The following KLF12 variants were observed in gnomAD, a reference collection of about 807,000 sequenced individuals.
KLF12 encodes the protein KLF transcription factor 12, also known as Krueppel-like factor 12.
KLF12 carries 9 observed loss-of-function variants against 37.8 expected under a neutral mutation model. That is an observed-to-expected ratio of 0.24 (90% CI 0.14 to 0.42). The LOEUF is 0.42. KLF12 is among the 10% of genes least tolerant of loss of function. The pLI is 1.00. For synonymous variants in KLF12, 208 were observed against 202.1 expected (o/e 1.03, Z -0.25); for missense variants, 411 against 516.0 (o/e 0.80, Z 1.97).
rs115601421 is a variant in KLF12 at position 73,915,398 on chromosome 13, G to T, written c.123+28583C>A. On this transcript the variant is annotated intron_variant, in intron 3 of 7. Transcript: ENST00000377669. ...TTCAGCCTCCCACAGCCTCATTTCC[G>T]TAGAAGTGTTGCCTTTCCAAGATTG... is the stretch of plus-strand genomic sequence containing the variant. 3.9e-5 allele frequency among the ~76,000 whole-genome samples: 6 copies of T among 152,102 alleles called. 1 individual carries two copies. Among genetic ancestry groups the T allele is most frequent in the African/African-American group, 7.2e-5 (3 of 41,430 alleles).
rs369410018 is a variant in KLF12 at position 73,718,371 on chromosome 13, A to G, written c.870-2846T>C. ...ACAAAAACAAAGGCTACAGAAGGCC[A>G]TGAAATTGCTTCACTGTGAGTTCTG... On this transcript the variant is annotated intron_variant, in intron 6 of 7. Transcript: ENST00000377669. Among the ~76,000 whole-genome samples, 42 of 152,372 alleles carry G rather than the reference A, an allele frequency of 2.8e-4. 6 individuals carry two copies. The highest frequency in any genetic ancestry group is 1.7e-3 in the Admixed American group (26 of 15,300).
the KLF12 span, among the ~76,000 whole-genome samples, chr13:74,198,450 C>T: frequency 9.9e-5 from 15 of 152,118 alleles, no homozygotes; most frequent in African/African-American, 2.2e-4. Flanking sequence ...CTGCTCTAAG[C>T]GTGGTCCTGA....
At chr13:73,706,013 G>C (rs888655924) in intron 7 of KLF12, among the ~76,000 whole-genome samples, 1 of 152,110 alleles carries the variant, frequency 6.6e-6, no homozygotes. Context: ...TTAGCTGGGC[G>C]TGGTGGCACA....
chr13:73,717,434 G>A (rs903989533), intron 6 of KLF12, among the ~76,000 whole-genome samples: 5 of 152,282 alleles, frequency 3.3e-5, no homozygotes, highest in East Asian at 1.9e-4. Flanking sequence ...CCCAAGTGAC[G>A]GACATATAGA....
the KLF12 span, among the ~76,000 whole-genome samples, chr13:74,287,138 C>G: frequency 6.6e-6 from 1 of 152,126 alleles, no homozygotes; most frequent in African/African-American, 2.4e-5. Context: ...GCAGGCTTTC[C>G]ATCAGCCTAC....
intron 3 of KLF12, among the ~76,000 whole-genome samples, chr13:73,926,412 T>C (rs1192770741): frequency 6.6e-6 from 1 of 152,180 alleles, no homozygotes; most frequent in Non-Finnish European, 1.5e-5. Flanking sequence ...AATTAAGGTA[T>C]ATACATTGTT....
chr13:74,247,843 T>G, the KLF12 span, among the ~76,000 whole-genome samples: 4 of 152,042 alleles, frequency 2.6e-5, no homozygotes, highest in Admixed American at 6.5e-5. Flanking sequence ...ATTGAATGAA[T>G]TAATGTTAAA....
chr13:74,069,940 A>C (rs922624846), intron 1 of KLF12, among the ~76,000 whole-genome samples: 9 of 152,210 alleles, frequency 5.9e-5, no homozygotes, highest in African/African-American at 2.2e-4. Context: ...ATGAGTTTGA[A>C]ATGCTATATA....
At chr13:74,054,542 A>C (rs1288756010) in intron 1 of KLF12, among the ~76,000 whole-genome samples, 3 of 151,880 alleles carry the variant, frequency 2.0e-5, no homozygotes, top group Non-Finnish European at 2.9e-5. Context: ...GAGAACTTCA[A>C]GATTATCAAG....
intron 5 of KLF12, among the ~76,000 whole-genome samples, chr13:73,797,212 C>T (rs935122672): frequency 6.6e-6 from 1 of 152,190 alleles, no homozygotes; most frequent in Non-Finnish European, 1.5e-5. Flanking sequence ...GACTTCCTGT[C>T]TATATTTCCC....
the KLF12 span, among the ~76,000 whole-genome samples, chr13:74,273,520 T>C: frequency 2.0e-5 from 3 of 152,216 alleles, no homozygotes; most frequent in East Asian, 5.8e-4. Flanking sequence ...ATTAGAATTT[T>C]GCAATGGTTG....
At chr13:74,237,387 C>G in the KLF12 span, among the ~76,000 whole-genome samples, 1 of 144,360 alleles carries the variant, frequency 6.9e-6, no homozygotes, top group African/African-American at 2.9e-5. Context: ...ATGCCTCCAG[C>G]TTTGTTCTTT....
At chr13:74,126,130 C>T (rs1251707809) in intron 1 of KLF12, among the ~76,000 whole-genome samples, 2 of 152,060 alleles carry the variant, frequency 1.3e-5, no homozygotes, top group East Asian at 1.9e-4. Context: ...ATAACATATA[C>T]TATACATGAC....
At position 73,824,696 on chromosome 13, in the gene KLF12, C is replaced by T. The variant is rs142686323; in HGVS notation, c.671-11409G>A. 3.7e-3 allele frequency among the ~76,000 whole-genome samples: 560 copies of T among 152,234 alleles called. 2 individuals carry two copies. Among genetic ancestry groups the T allele is most frequent in the African/African-American group, 0.012 (505 of 41,524 alleles). The stretch of plus-strand genomic sequence containing the variant: ...TGTAAAATTGGATGAAAGGTCTTTT[C>T]CACATTAATTCTGTTTGGTATGCTT... On this transcript the variant is annotated intron_variant, in intron 4 of 7. Transcript: ENST00000377669.
Position 74,091,099 on chromosome 13 carries a change from C to T in KLF12, c.-32+42640G>A, listed in dbSNP as rs116797314. On this transcript the variant is annotated intron_variant, in intron 1 of 7. Coordinates refer to ENST00000377669, the MANE Select transcript of KLF12 (RefSeq NM_007249.5). ...GTGTCTATGGCCAATAGATTTTTGACGGGAGTACCAAGATCACTGTATGAA... is the reference window on the plus strand; with the variant it reads ...GTGTCTATGGCCAATAGATTTTTGATGGGAGTACCAAGATCACTGTATGAA... Among the ~76,000 whole-genome samples the T allele has an allele frequency of 6.1e-3, 934 of 152,124 alleles. 8 individuals carry two copies. The highest frequency in any genetic ancestry group is 0.019 in the African/African-American group (780 of 41,518).
chr13:73,717,703 A>C (rs1875921270), intron 6 of KLF12, among the ~76,000 whole-genome samples: 1 of 152,236 alleles, frequency 6.6e-6, no homozygotes, highest in South Asian at 2.1e-4. Context: ...CTTTCTTATC[A>C]ATGTGGATCT....
intron 2 of KLF12, among the ~76,000 whole-genome samples, chr13:73,946,127 G>C (rs1890412239): frequency 6.6e-6 from 1 of 152,148 alleles, no homozygotes; most frequent in South Asian, 2.1e-4. Context: ...CCTGTAGGCT[G>C]TTTGGCTGGT....
intron 1 of KLF12, among the ~76,000 whole-genome samples, chr13:74,111,227 TTTA>T (rs1194106679): frequency 6.6e-6 from 1 of 151,954 alleles, no homozygotes; most frequent in African/African-American, 2.4e-5. Context: ...ATTAGCAAAT[TTTA>T]TTGATTCACT....
the KLF12 span, among the ~76,000 whole-genome samples, chr13:74,165,587 C>A: frequency 4.6e-5 from 7 of 152,176 alleles, no homozygotes; most frequent in Non-Finnish European, 1.0e-4. Context: ...GAGTGAGCCA[C>A]CACTTCCGGG....
Sources: allele counts gnomAD v4.1 joint callset (sites outside exome capture counted in the v4.1 genomes callset), GRCh38; gene constraint gnomAD v4.1.1; transcripts MANE v1.5; gene names NCBI Gene and HGNC (gene_info 2026-07-23, HGNC 2026-07-21).